Variants in SLC35F5 observed in about 807,000 individuals in gnomAD.
SLC35F5 encodes the protein HCV NS5A-transactivated protein 3.
Under a neutral mutation model 68.6 loss-of-function variants are expected in SLC35F5, and 54 were observed. That is an observed-to-expected ratio of 0.79 (90% CI 0.63 to 0.99). The LOEUF (loss-of-function observed/expected upper bound fraction) is 0.99. Ranked by LOEUF, SLC35F5 falls within the 50% of genes least tolerant of loss-of-function variation. SLC35F5 has a pLI of 0.00. For synonymous variants in SLC35F5, 211 were observed against 205.2 expected (o/e 1.03, Z -0.24); for missense variants, 567 against 626.9 (o/e 0.90, Z 1.02).
chr2:113,746,490 T>A, intron 4 of SLC35F5, 151 bp from the exon 5 acceptor site: 1 of 619,926 alleles, frequency 1.6e-6, no homozygotes, highest in South Asian at 1.8e-5. Context: ...TAATGCCACA[T>A]ATTCACCATT....
downstream of SLC35F5, among the ~76,000 whole-genome samples, chr2:113,706,288 G>C (rs898703471): frequency 6.6e-6 from 1 of 152,118 alleles, no homozygotes; most frequent in African/African-American, 2.4e-5. Context: ...AAAGCAAAGC[G>C]AGAGTATTTC....
chr2:113,723,198 A>C lies in SLC35F5; in HGVS notation c.1251-4T>G. On this transcript the variant is annotated splice_polypyrimidine_tract_variant and splice_region_variant and intron_variant, in intron 12 of 15. Coordinates refer to ENST00000245680, the MANE Select transcript of SLC35F5 (RefSeq NM_025181.5). ...TGATGAGGTAAGAAAGCAGCCCCTAAAAAAAAGAAAATATACATTTCTATA... is the reference window on the plus strand; with the variant it reads ...TGATGAGGTAAGAAAGCAGCCCCTACAAAAAAGAAAATATACATTTCTATA... The C allele has an allele frequency of 6.4e-7, 1 of 1,565,720 alleles. No individual in the cohort carries two copies. The highest frequency in any genetic ancestry group is 8.6e-7 in the Non-Finnish European group (1 of 1,159,892).
At chr2:113,750,396 C>G (rs766788806) in intron 4 of SLC35F5, 29 bp downstream of exon 4, 2 of 1,564,264 alleles carry the variant, frequency 1.3e-6, no homozygotes, top group East Asian at 4.6e-5. Flanking sequence ...TACCCCCTTC[C>G]TAACAGACAG....
At chr2:113,739,942 A>G (rs377257024) in intron 7 of SLC35F5, among the ~76,000 whole-genome samples, 7 of 152,374 alleles carry the variant, frequency 4.6e-5, no homozygotes, top group South Asian at 2.1e-4. Flanking sequence ...TAAGAAAATC[A>G]TAAGAAAGAA....
rs377141920 is a variant in SLC35F5, at chr2:113,718,925, GAAA to G, written c.1496+226_1496+228del. 1.3e-3 allele frequency among the ~76,000 whole-genome samples: 74 copies of G among 56,738 alleles called. 1 individual carries two copies. The highest frequency in any genetic ancestry group is 3.3e-3 in the South Asian group (6 of 1,826). 37.2% of individuals were successfully genotyped at this position (56,738 alleles called of 152,430 possible). On this transcript the variant is annotated intron_variant, in intron 14 of 15. Transcript: ENST00000245680. ...AGAAAGAAAGAAAGAAAGAAAGAAA[GAAA>G]AAGAAAGGAAGAAAGGAAGGAAGGA...
At chr2:113,717,151 A>G (rs553084347) in intron 15 of SLC35F5, among the ~76,000 whole-genome samples, 2 of 152,250 alleles carry the variant, frequency 1.3e-5, no homozygotes, top group African/African-American at 2.4e-5. Flanking sequence ...AAAATATTAA[A>G]TGTCATGTAC....
intron 9 of SLC35F5, among the ~76,000 whole-genome samples, chr2:113,733,617 G>A (rs890917326): frequency 1.3e-5 from 2 of 152,144 alleles, no homozygotes; most frequent in Non-Finnish European, 2.9e-5. Context: ...GCCCATTGGA[G>A]CAACCGTGGT....
chr2:113,733,013 A>G (rs537034456), intron 9 of SLC35F5, among the ~76,000 whole-genome samples: 12 of 152,298 alleles, frequency 7.9e-5, no homozygotes, highest in Non-Finnish European at 1.5e-4. Context: ...TTCTTTTTAT[A>G]GCCTCAGAAA....
chr2:113,706,417 C>G (rs934428879), downstream of SLC35F5, among the ~76,000 whole-genome samples: 2 of 152,210 alleles, frequency 1.3e-5, no homozygotes, highest in African/African-American at 4.8e-5. Flanking sequence ...CCTCCCTCCA[C>G]CCCACCATCC....
Position 113,753,162 on chromosome 2 carries a change from G to GTTTTTTTTTTTTTT in SLC35F5, c.273+2002_273+2003insAAAAAAAAAAAAAA, listed in dbSNP as rs143010470. Among the ~76,000 whole-genome samples, 84 of 50,516 alleles carry GTTTTTTTTTTTTTT rather than the reference G, an allele frequency of 1.7e-3. 4 individuals are homozygous for GTTTTTTTTTTTTTT. The highest frequency in any genetic ancestry group is 3.0e-3 in the South Asian group (4 of 1,346). 33.1% of individuals were successfully genotyped at this position (50,516 alleles called of 152,430 possible). ...AATACACACTTTATCTCCAAAGTTT[G>GTTTTTTTTTTTTTT]TTTTTCTTTTTTTTTTTTTTTTTTT... On this transcript the variant is annotated intron_variant, in intron 3 of 15. Transcript: ENST00000245680.
chr2:113,705,956 G>A (rs530149278), downstream of SLC35F5, among the ~76,000 whole-genome samples: 186 of 152,290 alleles, frequency 1.2e-3, no homozygotes, highest in Non-Finnish European at 1.4e-3. Context: ...GAAGGGATTC[G>A]AAATACTAGT....
At chr2:113,736,144 A>G (rs969775465) in intron 7 of SLC35F5, among the ~76,000 whole-genome samples, 7 of 151,916 alleles carry the variant, frequency 4.6e-5, no homozygotes, top group Non-Finnish European at 1.0e-4. Context: ...AAATCAATTT[A>G]AAAATTTGCT....
At chr2:113,743,963 A>G (rs1676385533) in intron 5 of SLC35F5, 169 bp from the exon 6 acceptor site, 1 of 452,548 alleles carries the variant, frequency 2.2e-6, no homozygotes, top group Non-Finnish European at 3.9e-6. Context: ...ACAGATCCAT[A>G]CAGCTACAAT....
chr2:113,732,067 C>T (rs1687919241), intron 9 of SLC35F5, among the ~76,000 whole-genome samples: 1 of 152,154 alleles, frequency 6.6e-6, no homozygotes, highest in Non-Finnish European at 1.5e-5. Context: ...TCATCCCTTT[C>T]CAATCTTTCT....
At chr2:113,752,488 A>G (rs1676784694) in intron 3 of SLC35F5, among the ~76,000 whole-genome samples, 1 of 152,208 alleles carries the variant, frequency 6.6e-6, no homozygotes, top group Non-Finnish European at 1.5e-5. Context: ...AGTACCCCAA[A>G]GTATTCTTTC....
chr2:113,719,388 T>C lies in SLC35F5; in HGVS notation c.1342-80A>G, dbSNP rs867532021. 3.7e-5 allele frequency: 47 copies of C among 1,265,288 alleles called. No homozygotes were observed. In the African/African-American group the frequency reaches 6.6e-4, roughly 18 times the overall value. 78.4% of individuals were successfully genotyped at this position (1,265,288 alleles called of 1,614,324 possible). On this transcript the variant is annotated intron_variant, in intron 13 of 15. Transcript: ENST00000245680. The stretch of plus-strand genomic sequence containing the variant: ...TTCCCCTTCAATGTAAGTTTTCTAT[T>C]TGTGAAAACTAGCAGGAATAAGAAC...
Position 113,756,531 on chromosome 2 carries a change from C to A in SLC35F5, c.-122G>T. ...GCCCAGCTCCTGAAGACGCGGTGCC[C>A]CTCAGGGAGAGGCTCCCGACACCAC... On this transcript the variant is annotated 5_prime_UTR_variant, in exon 1 of 16. Transcript: ENST00000245680. The A allele has an allele frequency of 6.7e-7, 1 of 1,488,992 alleles. No individual in the cohort carries two copies. The highest frequency in any genetic ancestry group is 1.3e-5 in the South Asian group (1 of 76,510). The allele number at this position is 1,488,992 out of a possible 1,614,324, so 92.2% of individuals were successfully genotyped here.
In SLC35F5 at chr2:113,746,304, T is replaced by C; in HGVS notation, c.453A>G (p.Thr151=). Residue 151 remains threonine (T), a synonymous_variant, in exon 5 of 16, where the codon ACA becomes ACG. Coordinates refer to ENST00000245680, the MANE Select transcript of SLC35F5 (RefSeq NM_025181.5). Reference sequence around the variant, plus strand: ...AAGAACTATTCATAGTTGTATCTGTTGTGCAAGCAGCAAAGTAACCTTCAG... The same window carrying C: ...AAGAACTATTCATAGTTGTATCTGTCGTGCAAGCAGCAAAGTAACCTTCAG... ...ADAEGYFAAC[T]TDTTMNSSLS... 1 of 1,613,470 alleles carries C rather than the reference T, an allele frequency of 6.2e-7. No homozygotes were observed. Among genetic ancestry groups the C allele is most frequent in the Non-Finnish European group, 8.5e-7 (1 of 1,179,802 alleles).
chr2:113,730,459 T>C (rs890049040), intron 10 of SLC35F5, among the ~76,000 whole-genome samples: 1 of 152,234 alleles, frequency 6.6e-6, no homozygotes, highest in Non-Finnish European at 1.5e-5. Flanking sequence ...TTGTTTTATA[T>C]ACACAAAGCT....
Sources: gnomAD v4.1 joint callset for allele counts (sites outside exome capture counted in the v4.1 genomes callset) on GRCh38, gnomAD v4.1.1 for gene constraint, MANE v1.5 for transcripts, NCBI Gene and HGNC (gene_info 2026-07-23, HGNC 2026-07-21) for gene names.